Variants in KIAA0930 observed in about 807,000 individuals in gnomAD.
KIAA0930 encodes KIAA0930, also known as uncharacterized protein KIAA0930.
In KIAA0930, 24 loss-of-function variants were observed where a neutral mutation model predicts 43.9. That is an observed-to-expected ratio of 0.55 (90% CI 0.40 to 0.77). The LOEUF (loss-of-function observed/expected upper bound fraction) is 0.77. Ranked by LOEUF, KIAA0930 falls within the 30% of genes least tolerant of loss-of-function variation. KIAA0930 has a pLI of 0.00. For synonymous variants in KIAA0930, 259 were observed against 216.4 expected (o/e 1.20, Z -1.73); for missense variants, 461 against 574.2 (o/e 0.80, Z 2.02).
rs71190644 is a variant in KIAA0930 at position 45,194,052 on chromosome 22, C to CTTTTTTTTTTTTTTTTTTTTT, written c.*3103_*3123dup. ...GGTTTGGGTTTAAAGACCAATGTAT[C>CTTTTTTTTTTTTTTTTTTTTT]TTTTTTTTTTTTTTTTTTTTTTTTT... On this transcript the variant is annotated 3_prime_UTR_variant, in exon 10 of 10. Coordinates refer to ENST00000336156, the MANE Select transcript of KIAA0930 (RefSeq NM_001009880.2). The CTTTTTTTTTTTTTTTTTTTTT allele has an allele frequency of 1.6e-4, 7 of 44,346 alleles. 3 individuals carry two copies. Among genetic ancestry groups the CTTTTTTTTTTTTTTTTTTTTT allele is most frequent in the East Asian group, 1.5e-3 (2 of 1,332 alleles). 2.7% of individuals were successfully genotyped at this position (44,346 alleles called of 1,614,324 possible).
intron 6 of KIAA0930, among the ~76,000 whole-genome samples, chr22:45,203,628 G>T (rs563395233): frequency 3.9e-5 from 6 of 152,312 alleles, no homozygotes; most frequent in South Asian, 4.1e-4. Flanking sequence ...CATTTCAGAT[G>T]AAGGCAAGTG....
chr22:45,219,588 T>TG, intron 1 of KIAA0930, among the ~76,000 whole-genome samples: 1 of 134,036 alleles, frequency 7.5e-6, no homozygotes, highest in Middle Eastern at 3.6e-3. Flanking sequence ...GATTGTTTTT[T>TG]TTTTTTTTTT....
chr22:45,236,754 C>T, intron 1 of KIAA0930, among the ~76,000 whole-genome samples: 1 of 152,162 alleles, frequency 6.6e-6, no homozygotes, highest in East Asian at 1.9e-4. Context: ...CTCATCAGGA[C>T]AAAGAGAAGA....
intron 1 of KIAA0930, among the ~76,000 whole-genome samples, chr22:45,223,753 CAGCACCCAGGATCAGCACCAGATA>C (rs1640801120): frequency 6.9e-6 from 1 of 145,910 alleles, no homozygotes; most frequent in African/African-American, 2.7e-5. Flanking sequence ...AGCACTGAGA[CAGCACCCAGGATCAGCACCAGATA>C]AGCACCCAGG....
rs1912517410 is a variant in KIAA0930, at chr22:45,192,372, G to C, written c.*4804C>G. The stretch of plus-strand genomic sequence containing the variant: ...ATGATTTCCACTGGATGTGGAAGAG[G>C]GTTAATAAAGACGCTGTTGGTAACG... On this transcript the variant is annotated 3_prime_UTR_variant, in exon 10 of 10. Coordinates refer to ENST00000336156, the MANE Select transcript of KIAA0930 (RefSeq NM_001009880.2). 1 of 152,174 alleles carries C rather than the reference G, an allele frequency of 6.6e-6. No homozygotes were observed. The highest frequency in any genetic ancestry group is 2.4e-5 in the African/African-American group (1 of 41,404). The allele number at this position is 152,174 out of a possible 1,614,324, so 9.4% of individuals were successfully genotyped here.
chr22:45,212,488 C>A, intron 1 of KIAA0930: 17 of 1,434,946 alleles, frequency 1.2e-5, no homozygotes, highest in Non-Finnish European at 1.5e-5. Context: ...TGGGGGGGAG[C>A]CTTTGGAGAG....
intron 1 of KIAA0930, chr22:45,212,598 C>G: frequency 1.5e-6 from 2 of 1,363,412 alleles, no homozygotes; most frequent in Non-Finnish European, 1.9e-6. Flanking sequence ...CTCCAGCCAG[C>G]CAAGGCTGCA....
intron 1 of KIAA0930, among the ~76,000 whole-genome samples, chr22:45,221,193 C>T (rs2083765531): frequency 6.6e-6 from 1 of 152,216 alleles, no homozygotes; most frequent in Non-Finnish European, 1.5e-5. Context: ...TTCTCCACAG[C>T]ACTTGTCACT....
intron 4 of KIAA0930, 137 bp downstream of exon 4, chr22:45,205,493 C>A: frequency 2.2e-6 from 2 of 924,640 alleles, no homozygotes; most frequent in Non-Finnish European, 3.4e-6. Context: ...ATACGGGATC[C>A]CAGGAGCTGA....
chr22:45,237,623 A>G (rs1281454041), intron 1 of KIAA0930, among the ~76,000 whole-genome samples: 1 of 152,244 alleles, frequency 6.6e-6, no homozygotes, highest in East Asian at 1.9e-4. Flanking sequence ...CAGAGGACAC[A>G]GCAGGTTTCT....
At chr22:45,202,722 G>A in intron 7 of KIAA0930, 2 of 385,634 alleles carry the variant, frequency 5.2e-6, no homozygotes, top group South Asian at 5.4e-5. Context: ...CTCTGGCCCA[G>A]CACCAGCCTG....
intron 7 of KIAA0930, chr22:45,200,243 C>T: frequency 2.1e-6 from 1 of 472,258 alleles, no homozygotes; most frequent in Non-Finnish European, 3.6e-6. Flanking sequence ...AGCAGGACAC[C>T]TGGCCACCAG....
At chr22:45,206,561 C>T (rs2083639639) in intron 2 of KIAA0930, among the ~76,000 whole-genome samples, 1 of 152,190 alleles carries the variant, frequency 6.6e-6, no homozygotes, top group South Asian at 2.1e-4. Context: ...ATTATTAATC[C>T]TTTTAAAGCA....
intron 1 of KIAA0930, among the ~76,000 whole-genome samples, chr22:45,238,114 ACG>A (rs2083897911): frequency 6.6e-6 from 1 of 150,504 alleles, no homozygotes; most frequent in South Asian, 2.1e-4. Flanking sequence ...TTTAGTAGAG[ACG>A]GGGGTTTCCT....
Position 45,205,843 on chromosome 22 carries a change from G to C in KIAA0930, c.286C>G (p.Pro96Ala), listed in dbSNP as rs532721914. The stretch of plus-strand genomic sequence containing the variant: ...ACGCTCTCCTCCCAGTCGATGTCAG[G>C]GTCTCCCAGGCCTGGCAGCTTCTTG... ...DSKKLPGLGD[P>A]DIDWEESVCL... The change falls in exon 3 of 10, where the codon CCT (proline) becomes GCT (alanine). Residue 96 changes from proline to alanine, a missense_variant. Transcript: ENST00000336156. 1.2e-6 allele frequency: 2 copies of C among 1,611,864 alleles called. No individual in the cohort carries two copies. The highest frequency in any genetic ancestry group is 2.2e-5 in the South Asian group (2 of 90,904).
At chr22:45,198,163 A>G in intron 8 of KIAA0930, 1 of 563,254 alleles carries the variant, frequency 1.8e-6, no homozygotes, top group Non-Finnish European at 3.2e-6. Context: ...CAGGCCTCCA[A>G]CTCCAGGAAG....
At position 45,213,257 on chromosome 22, in the gene KIAA0930, GGCCCTCA is replaced by G. The variant is rs371009514; in HGVS notation, c.65-1157_65-1151del. 1.8e-4 allele frequency: 226 copies of G among 1,238,052 alleles called. 2 individuals carry two copies. The African/African-American group carries it at 2.6e-3, about 14-fold the overall frequency. The allele number at this position is 1,238,052 out of a possible 1,614,324, so 76.7% of individuals were successfully genotyped here. ...GGACTCACAGCCAGCCCCAGCCCTC[GGCCCTCA>G]GCCCTCAGCCCTCTGCCCTCTGCCC... On this transcript the variant is annotated intron_variant, in intron 1 of 9. Coordinates refer to ENST00000336156, the MANE Select transcript of KIAA0930 (RefSeq NM_001009880.2).
chr22:45,201,514 T>G (rs2083588826), intron 7 of KIAA0930, among the ~76,000 whole-genome samples: 1 of 152,174 alleles, frequency 6.6e-6, no homozygotes, highest in South Asian at 2.1e-4. Context: ...AGCCCAGAGC[T>G]CGGGCCACAT....
At chr22:45,198,781 C>T (rs1188366207) in intron 8 of KIAA0930, among the ~76,000 whole-genome samples, 1 of 152,168 alleles carries the variant, frequency 6.6e-6, no homozygotes, top group Non-Finnish European at 1.5e-5. Context: ...TCCTGAGTAG[C>T]TGGGATTACA....
Sources: gnomAD v4.1 joint callset for allele counts (sites outside exome capture counted in the v4.1 genomes callset) on GRCh38, gnomAD v4.1.1 for gene constraint, MANE v1.5 for transcripts, NCBI Gene and HGNC (gene_info 2026-07-23, HGNC 2026-07-21) for gene names.